The following EPS15L1 variants were observed in gnomAD, a reference collection of about 807,000 sequenced individuals.
EPS15L1 encodes the protein epidermal growth factor receptor pathway substrate 15 like 1, also known as epidermal growth factor receptor substrate 15-like 1.
In EPS15L1, 43 loss-of-function variants were observed where a neutral mutation model predicts 117.1. The ratio of observed to expected loss-of-function variants is 0.37; its 90% confidence interval spans 0.29 to 0.47. The LOEUF (loss-of-function observed/expected upper bound fraction) is 0.47. Among genes scored for constraint, EPS15L1 ranks in the 20% least tolerant of loss-of-function variants. EPS15L1 has a pLI of 0.99. For missense variants in EPS15L1, 981 were observed against 1,164.0 expected (o/e 0.84, Z 2.29); for synonymous variants, 459 against 470.5 (o/e 0.98, Z 0.32).
chr19:16,417,409 A>G (rs1845863231), intron 12 of EPS15L1, 143 bp downstream of exon 12: 1 of 697,174 alleles, frequency 1.4e-6, no homozygotes, highest in Non-Finnish European at 2.6e-6. Context: ...CCAGTTTAGG[A>G]CCTCAGAAGC....
At chr19:16,390,559 A>G (rs988992847) in intron 19 of EPS15L1, among the ~76,000 whole-genome samples, 2 of 152,224 alleles carry the variant, frequency 1.3e-5, no homozygotes, top group Admixed American at 1.3e-4. Context: ...ATTCTTCTCA[A>G]GTGTACATGG....
rs1243234301 is a variant in EPS15L1, at chr19:16,414,490, T to A, written c.1194-645A>T. On this transcript the variant is annotated intron_variant, in intron 12 of 23. Transcript: ENST00000455140. Reference sequence around the variant, plus strand: ...ATCTCAGCTCACTGCATCCTCCGCCTCCCCAGTTCAAGCGATTCTCCTGCC... The same window carrying A: ...ATCTCAGCTCACTGCATCCTCCGCCACCCCAGTTCAAGCGATTCTCCTGCC... Among the ~76,000 whole-genome samples, 3 of 151,278 alleles carry A rather than the reference T, an allele frequency of 2.0e-5. No individual in the cohort carries two copies. In the South Asian group the frequency reaches 6.3e-4, roughly 32 times the overall value.
At chr19:16,386,629 G>A (rs1423172056) in intron 19 of EPS15L1, among the ~76,000 whole-genome samples, 2 of 152,200 alleles carry the variant, frequency 1.3e-5, no homozygotes, top group Non-Finnish European at 2.9e-5. Flanking sequence ...ACCAGAGGAT[G>A]GAGCCCAGAG....
At chr19:16,394,357 G>A (rs2144785887) in intron 17 of EPS15L1, among the ~76,000 whole-genome samples, 1 of 152,300 alleles carries the variant, frequency 6.6e-6, no homozygotes, top group South Asian at 2.1e-4. Context: ...CCCTGGGTAA[G>A]AGGACACAGG....
At chr19:16,441,774 A>G (rs77285925) in intron 3 of EPS15L1, 118 bp downstream of exon 3, 11,301 of 717,822 alleles carry the variant, frequency 0.016, 552 homozygotes, top group Admixed American at 0.14. Flanking sequence ...TGCAGCGACC[A>G]GGCCACTACC....
chr19:16,377,975 C>A (rs1008633164), intron 21 of EPS15L1, among the ~76,000 whole-genome samples: 12 of 152,192 alleles, frequency 7.9e-5, no homozygotes, highest in African/African-American at 2.9e-4. Flanking sequence ...CCATATCCTC[C>A]AGCTTAAAGA....
At chr19:16,424,082 C>T (rs1050222891) in intron 9 of EPS15L1, among the ~76,000 whole-genome samples, 5 of 152,152 alleles carry the variant, frequency 3.3e-5, no homozygotes, top group African/African-American at 4.8e-5. Flanking sequence ...GCTTTAAGGC[C>T]GGCTCAGCAG....
At chr19:16,396,870 T>C (rs2092545924) in intron 16 of EPS15L1, among the ~76,000 whole-genome samples, 1 of 151,880 alleles carries the variant, frequency 6.6e-6, no homozygotes, top group African/African-American at 2.4e-5. Context: ...ACACAAGGTA[T>C]GATTCCACTT....
At chr19:16,403,290 C>T (rs10425541) in intron 15 of EPS15L1, among the ~76,000 whole-genome samples, 3,931 of 152,278 alleles carry the variant, frequency 0.026, 188 homozygotes, top group African/African-American at 0.089. Context: ...AATGGGGGTC[C>T]TGCATGGCGT....
intron 1 of EPS15L1, among the ~76,000 whole-genome samples, chr19:16,448,065 A>G (rs2093101550): frequency 6.6e-6 from 1 of 152,242 alleles, no homozygotes; most frequent in African/African-American, 2.4e-5. Context: ...ATGGGCCTCG[A>G]ACTAAAAGTC....
chr19:16,400,336 C>CAAAAAAAAAA lies in EPS15L1; in HGVS notation c.1791+1975_1791+1984dup, dbSNP rs1162302779. Among the ~76,000 whole-genome samples, 46 of 60,696 alleles carry CAAAAAAAAAA rather than the reference C, an allele frequency of 7.6e-4. 2 individuals are homozygous for CAAAAAAAAAA. Among genetic ancestry groups the CAAAAAAAAAA allele is most frequent in the Admixed American group, 4.5e-3 (24 of 5,354 alleles). 39.8% of individuals were successfully genotyped at this position (60,696 alleles called of 152,430 possible). A position where few individuals can be genotyped will look rare whatever the true frequency, so the allele number is the denominator to read the frequency against. On this transcript the variant is annotated intron_variant, in intron 16 of 23. Transcript: ENST00000455140. ...TGGGAGACAGAGCGAGACTCCGTCT[C>CAAAAAAAAAA]AAAAAAAAAAAAACAAAAACAAAAA...
chr19:16,449,179 C>T (rs1231018844), intron 1 of EPS15L1, among the ~76,000 whole-genome samples: 1 of 151,832 alleles, frequency 6.6e-6, no homozygotes, highest in Non-Finnish European at 1.5e-5. Flanking sequence ...GAAGCCAAAG[C>T]AGGAGGATTG....
At position 16,381,352 on chromosome 19, in the gene EPS15L1, C is replaced by T. The variant is rs377654268; in HGVS notation, c.2247+3777G>A. Reference sequence around the variant, plus strand: ...TGCCTCCCAGGCTGGGGCCACCAGACGCTGCCCTCAGCTGCCGAGGGCCAC... The same window carrying T: ...TGCCTCCCAGGCTGGGGCCACCAGATGCTGCCCTCAGCTGCCGAGGGCCAC... On this transcript the variant is annotated intron_variant, in intron 21 of 23. Coordinates refer to ENST00000455140, the MANE Select transcript of EPS15L1 (RefSeq NM_001258374.3). This position sits in a 1 kb window ranked among gnomAD's most constrained non-coding sequence, Gnocchi z 4.2. Among the ~76,000 whole-genome samples the T allele has an allele frequency of 1.4e-3, 211 of 152,364 alleles. No homozygotes were observed. The highest frequency in any genetic ancestry group is 4.8e-3 in the African/African-American group (200 of 41,594).
chr19:16,374,471 CA>C (rs1029121736), intron 22 of EPS15L1, among the ~76,000 whole-genome samples: 13 of 152,180 alleles, frequency 8.5e-5, no homozygotes, highest in Non-Finnish European at 1.9e-4. Flanking sequence ...GGAAGTCACC[CA>C]AACTCCCGTT....
At chr19:16,396,842 TCA>T (rs2092545377) in intron 16 of EPS15L1, among the ~76,000 whole-genome samples, 2 of 151,850 alleles carry the variant, frequency 1.3e-5, no homozygotes, top group African/African-American at 2.4e-5. Context: ...CTGAGTGAAA[TCA>T]CAGTCACAAA....
chr19:16,368,325 C>T (rs1307272569), intron 22 of EPS15L1, among the ~76,000 whole-genome samples: 1 of 152,168 alleles, frequency 6.6e-6, no homozygotes, highest in Non-Finnish European at 1.5e-5. Context: ...TGATCCTACA[C>T]AACAGGGGAC....
At chr19:16,448,157 A>G (rs2093102738) in intron 1 of EPS15L1, among the ~76,000 whole-genome samples, 1 of 152,226 alleles carries the variant, frequency 6.6e-6, no homozygotes, top group African/African-American at 2.4e-5. Flanking sequence ...GGGCAAAGCA[A>G]AGAGTTCTTA....
intron 9 of EPS15L1, among the ~76,000 whole-genome samples, chr19:16,423,827 C>T (rs372076114): frequency 2.0e-4 from 30 of 152,288 alleles, no homozygotes; most frequent in East Asian, 1.2e-3. Flanking sequence ...ACAAGCTGAG[C>T]TGTGGCGGGA....
rs373544869 is a variant in EPS15L1, at chr19:16,394,463, G to A, written c.1916-462C>T. On this transcript the variant is annotated intron_variant, in intron 17 of 23. Transcript: ENST00000455140. ...GCTGCCAGATTCGCCTCTCAGACCC[G>A]GCAGGCTTCAAACCCAAGCTGAAGC... Among the ~76,000 whole-genome samples the A allele has an allele frequency of 3.5e-4, 54 of 152,132 alleles. 1 individual carries two copies. The highest frequency in any genetic ancestry group is 1.2e-3 in the African/African-American group (50 of 41,420).
Sources: gnomAD v4.1 joint callset for allele counts (sites outside exome capture counted in the v4.1 genomes callset) on GRCh38, gnomAD v4.1.1 for gene constraint, Gnocchi (gnomAD v3.1) non-coding constraint, MANE v1.5 for transcripts, NCBI Gene and HGNC (gene_info 2026-07-23, HGNC 2026-07-21) for gene names.